The following ZFPM2 variants were observed in gnomAD, a reference collection of about 807,000 sequenced individuals.
ZFPM2 encodes the protein zinc finger protein, FOG family member 2.
Under a neutral mutation model 98.6 loss-of-function variants are expected in ZFPM2, and 20 were observed. The observed-to-expected ratio is 0.20, with a 90% CI of 0.14 to 0.29. The LOEUF (loss-of-function observed/expected upper bound fraction) is 0.29, where lower values mean the gene tolerates loss of function less well. Among genes scored for constraint, ZFPM2 ranks in the 10% least tolerant of loss-of-function variants. The pLI is 1.00. For missense variants in ZFPM2, 1,310 were observed against 1,388.6 expected, an observed-to-expected ratio of 0.94 and a Z score of 0.90; for synonymous variants, 518 against 502.7, an observed-to-expected ratio of 1.03 and a Z score of -0.41.
intron 5 of ZFPM2, among the ~76,000 whole-genome samples, chr8:105,703,439 A>C (rs938531612): frequency 1.8e-4 from 27 of 152,336 alleles, no homozygotes; most frequent in African/African-American, 6.3e-4. Flanking sequence ...AATTCAGTAA[A>C]GGAAATTTGC....
chr8:105,502,774 T>C (rs1370163881), intron 3 of ZFPM2, among the ~76,000 whole-genome samples: 2 of 152,182 alleles, frequency 1.3e-5, no homozygotes, highest in African/African-American at 2.4e-5. Flanking sequence ...CCACATGACA[T>C]TCTCATCAAC....
chr8:105,383,968 G>T (rs777230844), intron 1 of ZFPM2, among the ~76,000 whole-genome samples: 8 of 152,138 alleles, frequency 5.3e-5, no homozygotes, highest in Non-Finnish European at 8.8e-5. Context: ...AGAGAAGAAA[G>T]CTTCAAATAT....
intron 1 of ZFPM2, chr8:105,319,609 G>C (rs1811980434): frequency 6.6e-6 from 1 of 152,668 alleles, no homozygotes; most frequent in Non-Finnish European, 1.5e-5. Context: ...GCTGGTGGCT[G>C]GCAGGTCGTG....
rs535527838 is a variant in ZFPM2 at position 105,680,890 on chromosome 8, GA to G, written c.532+46541del. Among the ~76,000 whole-genome samples, 6 of 151,488 alleles carry G rather than the reference GA, an allele frequency of 4.0e-5. No homozygotes were observed. In the East Asian group the frequency reaches 7.8e-4, roughly 20 times the overall value. On this transcript the variant is annotated intron_variant, in intron 5 of 7. Transcript: ENST00000407775. ...CGTTGAAGTTGTTTATTGACTACAT[GA>G]AAAAAAATCACACAAAAATATCAAG...
intron 5 of ZFPM2, among the ~76,000 whole-genome samples, chr8:105,783,035 C>A (rs1361433889): frequency 6.6e-6 from 1 of 152,070 alleles, no homozygotes; most frequent in East Asian, 1.9e-4. Context: ...ATGTTCAGAT[C>A]TACACAGGTC....
chr8:105,636,025 A>G (rs1816840847), intron 5 of ZFPM2, among the ~76,000 whole-genome samples: 1 of 151,470 alleles, frequency 6.6e-6, no homozygotes, highest in South Asian at 2.1e-4. Flanking sequence ...CAAATTATAC[A>G]TAACCTAATG....
chr8:105,525,639 A>T (rs1218664115), intron 3 of ZFPM2, among the ~76,000 whole-genome samples: 1 of 152,190 alleles, frequency 6.6e-6, no homozygotes, highest in Non-Finnish European at 1.5e-5. Flanking sequence ...TATGATTTCC[A>T]TGTCCTCCGT....
intron 3 of ZFPM2, among the ~76,000 whole-genome samples, chr8:105,499,344 T>C (rs929567582): frequency 6.6e-6 from 1 of 151,824 alleles, no homozygotes; most frequent in Admixed American, 6.6e-5. Context: ...AAGAGGATAC[T>C]TGTAATCCAA....
chr8:105,423,309 T>C (rs1289608922), intron 2 of ZFPM2, among the ~76,000 whole-genome samples: 1 of 152,202 alleles, frequency 6.6e-6, no homozygotes. Flanking sequence ...TTCCTATGTC[T>C]CTTTTTATTT....
chr8:105,532,032 C>T (rs1165902822), intron 3 of ZFPM2, among the ~76,000 whole-genome samples: 1 of 152,026 alleles, frequency 6.6e-6, no homozygotes, highest in African/African-American at 2.4e-5. Context: ...TCCAGAGTAG[C>T]TGGGACTACA....
chr8:105,330,645 TATA>T (rs1812216561), intron 1 of ZFPM2, among the ~76,000 whole-genome samples: 1 of 128,160 alleles, frequency 7.8e-6, no homozygotes, highest in Non-Finnish European at 1.6e-5. Flanking sequence ...TATATATATA[TATA>T]TTTTTCAGGA....
intron 4 of ZFPM2, among the ~76,000 whole-genome samples, chr8:105,588,428 C>A (rs1307613253): frequency 6.6e-6 from 1 of 151,728 alleles, no homozygotes; most frequent in East Asian, 1.9e-4. Context: ...AAAAAAAAAT[C>A]GAAACCACAT....
intron 5 of ZFPM2, chr8:105,737,597 T>C (rs1212978204): frequency 6.6e-6 from 1 of 152,292 alleles, no homozygotes; most frequent in Non-Finnish European, 1.5e-5. Context: ...ATAACAATTC[T>C]TAGAGCTTTT....
intron 5 of ZFPM2, among the ~76,000 whole-genome samples, chr8:105,694,735 C>T (rs1181248915): frequency 2.6e-5 from 4 of 152,172 alleles, no homozygotes; most frequent in African/African-American, 7.2e-5. Context: ...CTAAGTGATA[C>T]GATTCAATTT....
chr8:105,493,689 A>G (rs1013522707), intron 3 of ZFPM2, among the ~76,000 whole-genome samples: 13 of 152,156 alleles, frequency 8.5e-5, no homozygotes, highest in African/African-American at 3.1e-4. Flanking sequence ...TAAACTCTTA[A>G]TATGTCTCCC....
chr8:105,339,627 C>G (rs533819808), intron 1 of ZFPM2, among the ~76,000 whole-genome samples: 1 of 151,992 alleles, frequency 6.6e-6, no homozygotes, highest in East Asian at 1.9e-4. Flanking sequence ...GATAATTCGA[C>G]TGCATCTGCA....
intron 5 of ZFPM2, among the ~76,000 whole-genome samples, chr8:105,652,585 G>C (rs1356303039): frequency 6.6e-6 from 1 of 151,964 alleles, no homozygotes; most frequent in Non-Finnish European, 1.5e-5. Flanking sequence ...TAGAAATCTA[G>C]TACTCACCAT....
intron 5 of ZFPM2, among the ~76,000 whole-genome samples, chr8:105,638,181 A>G (rs984659971): frequency 2.6e-5 from 4 of 152,042 alleles, no homozygotes; most frequent in Admixed American, 6.6e-5. Flanking sequence ...CGGTGAAAAG[A>G]GAGCTTTTCT....
intron 5 of ZFPM2, among the ~76,000 whole-genome samples, chr8:105,659,613 A>C (rs1210457691): frequency 6.6e-6 from 1 of 152,244 alleles, no homozygotes; most frequent in African/African-American, 2.4e-5. Context: ...GGAAAGGGCT[A>C]TACAGATATT....
Sources: allele counts gnomAD v4.1 joint callset (sites outside exome capture counted in the v4.1 genomes callset), GRCh38; gene constraint gnomAD v4.1.1; transcripts MANE v1.5; gene names NCBI Gene and HGNC (gene_info 2026-07-23, HGNC 2026-07-21).